Variants in FAM162A observed in about 807,000 individuals in gnomAD.
The protein encoded by FAM162A is protein FAM162A.
In FAM162A, 23 loss-of-function variants were observed where a neutral mutation model predicts 21.8. That is an observed-to-expected ratio of 1.05 (90% confidence interval 0.76 to 1.49). FAM162A has a LOEUF of 1.49. Ranked by LOEUF, FAM162A falls within the 40% of genes most tolerant of loss-of-function variation. FAM162A has a pLI of 0.00. For synonymous variants in FAM162A, 53 were observed against 61.3 expected (o/e 0.86, Z 0.64); for missense variants, 165 against 186.4 (o/e 0.89, Z 0.67).
At chr3:122,402,630 A>G (rs1369014009) in intron 1 of FAM162A, 130 bp from the exon 2 acceptor site, 3 of 740,724 alleles carry the variant, frequency 4.1e-6, no homozygotes, top group Admixed American at 3.8e-5. Flanking sequence ...TGTATCTTAC[A>G]TATAGTAAAT....
intron 1 of FAM162A, among the ~76,000 whole-genome samples, chr3:122,390,914 T>G (rs1172546768): frequency 6.6e-6 from 1 of 152,122 alleles, no homozygotes; most frequent in Non-Finnish European, 1.5e-5. Context: ...AGACACAGAA[T>G]TGGTCAGCCA....
At chr3:122,401,496 T>G (rs1010586521) in intron 1 of FAM162A, 2 of 1,260,442 alleles carry the variant, frequency 1.6e-6, no homozygotes, top group African/African-American at 1.6e-5. Context: ...TCGCAAAGAT[T>G]TAAGTATCTT....
rs181040297 is a variant in FAM162A, at chr3:122,410,906, C to G, written c.*1075C>G. The G allele has an allele frequency of 1.3e-5, 2 of 152,196 alleles. No homozygotes were observed. Among genetic ancestry groups the G allele is most frequent in the African/African-American group, 2.4e-5 (1 of 41,438 alleles). 9.4% of individuals were successfully genotyped at this position (152,196 alleles called of 1,614,324 possible). A position where few individuals can be genotyped will look rare whatever the true frequency, so the allele number is the denominator to read the frequency against. The stretch of plus-strand genomic sequence containing the variant: ...CTGTATGTGCTAGCCGTCTCTGTTA[C>G]GAGATCAGCTGTCGTGGAATCAGTG... On this transcript the variant is annotated 3_prime_UTR_variant, in exon 5 of 5. Coordinates refer to ENST00000477892, the MANE Select transcript of FAM162A (RefSeq NM_014367.4).
Position 122,384,183 on chromosome 3 carries a change from C to T in FAM162A, c.-83C>T, listed in dbSNP as rs1188391616. On this transcript the variant is annotated 5_prime_UTR_variant, in exon 1 of 5. Transcript: ENST00000477892. ...CCCGGCGCCGCCTGCGTCCTTCCCACTCCAACGCTGGGTGACATTGAGCTC... is the reference window on the plus strand; with the variant it reads ...CCCGGCGCCGCCTGCGTCCTTCCCATTCCAACGCTGGGTGACATTGAGCTC... The T allele has an allele frequency of 1.2e-5, 18 of 1,536,064 alleles. No homozygotes were observed. Among genetic ancestry groups the T allele is most frequent in the East Asian group, 2.4e-5 (1 of 40,864 alleles).
chr3:122,386,833 C>T (rs1366116359), intron 1 of FAM162A, among the ~76,000 whole-genome samples: 1 of 152,172 alleles, frequency 6.6e-6, no homozygotes, highest in Non-Finnish European at 1.5e-5. Flanking sequence ...TGGTACTGGA[C>T]ACCTCCACAT....
In FAM162A at chr3:122,410,378, C is replaced by G. The variant is rs1272335370; in HGVS notation, c.*547C>G. The G allele has an allele frequency of 6.4e-6, 1 of 157,470 alleles. No homozygotes were observed. Among genetic ancestry groups the G allele is most frequent in the Non-Finnish European group, 1.4e-5 (1 of 71,324 alleles). 9.8% of individuals were successfully genotyped at this position (157,470 alleles called of 1,614,324 possible). On this transcript the variant is annotated 3_prime_UTR_variant, in exon 5 of 5. Transcript: ENST00000477892. ...TTTAAACATTCTGACAAGGTCCAGC[C>G]AGGAATTTCTAAGGACTTAGAAATC...
chr3:122,391,067 G>A (rs2075602353), intron 1 of FAM162A, among the ~76,000 whole-genome samples: 1 of 152,214 alleles, frequency 6.6e-6, no homozygotes, highest in African/African-American at 2.4e-5. Flanking sequence ...GAGAGAAAAC[G>A]AAGGTCTTAG....
rs138341323 is a variant in FAM162A, at chr3:122,385,169, T to C, written c.34+870T>C. 2.3e-3 allele frequency among the ~76,000 whole-genome samples: 354 copies of C among 152,078 alleles called. 2 individuals are homozygous for C. Among genetic ancestry groups the C allele is most frequent in the African/African-American group, 8.3e-3 (343 of 41,382 alleles). Reference sequence around the variant, plus strand: ...ATTCAAATAATATAAATATATATTGTAATGTAAATGAAGTAATGCAAAAAA... The same window carrying C: ...ATTCAAATAATATAAATATATATTGCAATGTAAATGAAGTAATGCAAAAAA... On this transcript the variant is annotated intron_variant, in intron 1 of 4. Transcript: ENST00000477892.
intron 1 of FAM162A, among the ~76,000 whole-genome samples, chr3:122,395,202 A>G (rs1218276466): frequency 1.3e-5 from 2 of 152,230 alleles, no homozygotes; most frequent in Non-Finnish European, 2.9e-5. Flanking sequence ...CCCCCATGAC[A>G]TGACAAGGAT....
chr3:122,403,719 T>C (rs1384595355), intron 2 of FAM162A, among the ~76,000 whole-genome samples: 1 of 152,170 alleles, frequency 6.6e-6, no homozygotes, highest in African/African-American at 2.4e-5. Flanking sequence ...CTCCTTCCTC[T>C]TTGTCTTAAC....
rs1367768815 is a variant in FAM162A, at chr3:122,411,378, TAGA to T, written c.*1551_*1553del. 1 of 152,230 alleles carries T rather than the reference TAGA, an allele frequency of 6.6e-6. No individual in the cohort carries two copies. The highest frequency in any genetic ancestry group is 1.5e-5 in the Non-Finnish European group (1 of 68,040). The allele number at this position is 152,230 out of a possible 1,614,324, so 9.4% of individuals were successfully genotyped here. ...AAAAAGCATAGTTTCTTGTACATTTTAGAAGATTAGTTTTTCTTATTTTGGGAC... is the reference window on the plus strand; with the variant it reads ...AAAAAGCATAGTTTCTTGTACATTTTAGATTAGTTTTTCTTATTTTGGGAC... On this transcript the variant is annotated 3_prime_UTR_variant, in exon 5 of 5. Transcript: ENST00000477892.
chr3:122,384,450 G>C (rs1449986485), intron 1 of FAM162A, 151 bp downstream of exon 1: 6 of 960,294 alleles, frequency 6.2e-6, no homozygotes. Flanking sequence ...GTAGCCATGT[G>C]GGAGGGAACT....
chr3:122,407,221 G>T (rs2075680182), intron 3 of FAM162A, 60 bp from the exon 4 acceptor site: 2 of 1,418,064 alleles, frequency 1.4e-6, no homozygotes, highest in African/African-American at 1.4e-5. Context: ...CTTTTATCCT[G>T]AGCAACTTCA....
chr3:122,403,026 T>C, intron 2 of FAM162A, 144 bp downstream of exon 2: 2 of 948,904 alleles, frequency 2.1e-6, no homozygotes. Flanking sequence ...ATTGTGCATG[T>C]GCACATGACC....
intron 1 of FAM162A, 121 bp downstream of exon 1, chr3:122,384,420 C>T: frequency 5.8e-6 from 7 of 1,214,458 alleles, no homozygotes; most frequent in Non-Finnish European, 7.0e-6. Flanking sequence ...TTCTCGGTTC[C>T]TCAGAATCCT....
intron 4 of FAM162A, 137 bp downstream of exon 4, chr3:122,407,526 A>G (rs1352128343): frequency 4.0e-5 from 24 of 606,422 alleles, no homozygotes; most frequent in Non-Finnish European, 4.9e-5. Context: ...GATAAGCAAA[A>G]AAATAAGACA....
At position 122,411,462 on chromosome 3, in the gene FAM162A, A is replaced by G; in HGVS notation, c.*1631A>G. 6.6e-6 allele frequency: 1 copy of G among 152,238 alleles called. No homozygotes were observed. The highest frequency in any genetic ancestry group is 1.9e-4 in the East Asian group (1 of 5,206). The allele number at this position is 152,238 out of a possible 1,614,324, so 9.4% of individuals were successfully genotyped here. ...TTTTAATGTGGAATTTCTTTTAAAAATAATCCTCTTCATAGAGCAATACAA... is the reference window on the plus strand; with the variant it reads ...TTTTAATGTGGAATTTCTTTTAAAAGTAATCCTCTTCATAGAGCAATACAA... On this transcript the variant is annotated 3_prime_UTR_variant, in exon 5 of 5. Transcript: ENST00000477892.
intron 1 of FAM162A, 81 bp downstream of exon 1, chr3:122,384,380 C>A: frequency 6.8e-7 from 1 of 1,480,786 alleles, no homozygotes; most frequent in Non-Finnish European, 9.2e-7. Context: ...CCTTCCTGGG[C>A]CCCGGAGTGG....
At chr3:122,391,009 A>T (rs2075601955) in intron 1 of FAM162A, among the ~76,000 whole-genome samples, 1 of 152,136 alleles carries the variant, frequency 6.6e-6, no homozygotes, top group South Asian at 2.1e-4. Flanking sequence ...CCACCAGAGG[A>T]TGGAAAATTT....
Sources: allele counts gnomAD v4.1 joint callset (sites outside exome capture counted in the v4.1 genomes callset), GRCh38; gene constraint gnomAD v4.1.1; transcripts MANE v1.5; gene names NCBI Gene and HGNC (gene_info 2026-07-23, HGNC 2026-07-21).